STARD8: variants seen among roughly 807,000 people sequenced by gnomAD.
The protein encoded by STARD8 is stAR-related lipid transfer protein 8.
Under a neutral mutation model 69.4 loss-of-function variants are expected in STARD8, and 25 were observed. That is an observed-to-expected ratio of 0.36 (90% CI 0.26 to 0.50). The LOEUF (loss-of-function observed/expected upper bound fraction) is 0.50. STARD8 is among the 20% of genes least tolerant of loss of function. The pLI is 0.96. For synonymous variants in STARD8, 389 were observed against 374.6 expected (o/e 1.04, Z -0.45); for missense variants, 921 against 932.5 (o/e 0.99, Z 0.16).
chrX:68,702,648 G>A (rs774146195), intron 2 of STARD8, among the ~76,000 whole-genome samples: 55 of 111,564 alleles, frequency 4.9e-4, no homozygotes, highest in African/African-American at 1.7e-3. Context: ...AAACTGCCTG[G>A]ATTTGCATCT....
intron 2 of STARD8, among the ~76,000 whole-genome samples, chrX:68,701,706 G>T (rs943563076): frequency 1.9e-4 from 21 of 112,119 alleles, no homozygotes; most frequent in Middle Eastern, 4.6e-3. Context: ...TGGCAGTGTG[G>T]TTCTGACATC....
intron 2 of STARD8, among the ~76,000 whole-genome samples, chrX:68,703,846 T>G (rs2147917397): frequency 9.0e-6 from 1 of 111,496 alleles, no homozygotes; most frequent in Non-Finnish European, 1.9e-5. Flanking sequence ...GAAGTGCTCC[T>G]TCAGGTCATA....
intron 13 of STARD8, 43 bp from the exon 14 acceptor site, chrX:68,723,902 A>G: frequency 2.5e-6 from 3 of 1,207,524 alleles, no homozygotes; most frequent in Non-Finnish European, 3.4e-6. Flanking sequence ...TGGGGTGGAA[A>G]CCAGCACTAG....
At chrX:68,703,454 C>A (rs1007135605) in intron 2 of STARD8, among the ~76,000 whole-genome samples, 28 of 112,716 alleles carry the variant, frequency 2.5e-4, no homozygotes, top group African/African-American at 8.4e-4. Flanking sequence ...CCCTTGCCCC[C>A]AGAGCCCTAG....
rs971835588 is a variant in STARD8 at position 68,725,533 on chromosome X, T to G, written c.*1111T>G. 5.6e-5 allele frequency: 6 copies of G among 107,164 alleles called. No homozygotes were observed. Among genetic ancestry groups the G allele is most frequent in the African/African-American group, 1.7e-4 (5 of 29,014 alleles). 8.8% of individuals were successfully genotyped at this position (107,164 alleles called of 1,213,427 possible). A position where few individuals can be genotyped will look rare whatever the true frequency, so the allele number is the denominator to read the frequency against. ...GTAATTTTCAAGCCTATTTTATTTG[T>G]ACCTGTAAATACTGTACAGCTAATA... is the stretch of plus-strand genomic sequence containing the variant. On this transcript the variant is annotated 3_prime_UTR_variant, in exon 15 of 15. Transcript: ENST00000374599.
At chrX:68,715,447 C>A in intron 4 of STARD8, 72 bp downstream of exon 4, 1 of 906,225 alleles carries the variant, frequency 1.1e-6, no homozygotes, top group South Asian at 2.5e-5. Flanking sequence ...AAAAAACATC[C>A]CTTGTACCCT....
chrX:68,673,143 T>C (rs2079740433), intron 2 of STARD8, among the ~76,000 whole-genome samples: 1 of 111,860 alleles, frequency 8.9e-6, no homozygotes, highest in South Asian at 3.8e-4. Flanking sequence ...AGCACATCTG[T>C]TGCCCAGAGA....
intron 2 of STARD8, among the ~76,000 whole-genome samples, chrX:68,666,861 G>A (rs919838835): frequency 8.9e-6 from 1 of 111,982 alleles, no homozygotes; most frequent in African/African-American, 3.3e-5. Flanking sequence ...CCCATACTAG[G>A]GGAAGGACAC....
At chrX:68,653,461 ACACCC>A (rs2147870533) in intron 1 of STARD8, among the ~76,000 whole-genome samples, 2 of 26,410 alleles carry the variant, frequency 7.6e-5, no homozygotes, top group South Asian at 2.1e-3. Flanking sequence ...CCACACACAC[ACACCC>A]CACACCCCAC....
intron 1 of STARD8, among the ~76,000 whole-genome samples, chrX:68,662,054 C>T (rs1218830895): frequency 9.6e-6 from 1 of 103,790 alleles, no homozygotes; most frequent in African/African-American, 3.6e-5. Flanking sequence ...GTTGCCCAGG[C>T]TGGAGTGCCA....
chrX:68,713,893 T>C (rs1372523270), intron 3 of STARD8, among the ~76,000 whole-genome samples: 1 of 111,950 alleles, frequency 8.9e-6, no homozygotes, highest in Non-Finnish European at 1.9e-5. Context: ...ATTAAACAGG[T>C]CTGAAACCAA....
chrX:68,661,974 T>C (rs6625356), intron 1 of STARD8, among the ~76,000 whole-genome samples: 62 of 35,013 alleles, frequency 1.8e-3, no homozygotes, highest in East Asian at 4.8e-3. Context: ...CTCTCTCTCT[T>C]TCTTTCTTTC....
intron 2 of STARD8, among the ~76,000 whole-genome samples, chrX:68,683,732 C>G (rs1295729251): frequency 2.7e-5 from 3 of 112,832 alleles, no homozygotes; most frequent in Non-Finnish European, 3.7e-5. Context: ...TTCAGGTTTA[C>G]ATCATCAGCC....
At chrX:68,677,963 G>T (rs1333362259) in intron 2 of STARD8, among the ~76,000 whole-genome samples, 4 of 109,940 alleles carry the variant, frequency 3.6e-5, no homozygotes, top group African/African-American at 1.3e-4. Context: ...AGAAAGCTCT[G>T]CAGATAGCAT....
chrX:68,651,407 G>A (rs1036416088), intron 1 of STARD8, among the ~76,000 whole-genome samples: 3 of 112,506 alleles, frequency 2.7e-5, no homozygotes, highest in African/African-American at 6.5e-5. Context: ...CAATGCTGCT[G>A]CTTTGAGGCC....
rs1302913265 is a variant in STARD8 at position 68,688,395 on chromosome X, G to A, written c.79+22863G>A. On this transcript the variant is annotated intron_variant, in intron 2 of 14. Transcript: ENST00000374599. ...ACAGGGCTGGGCTGGGCCAGGCTGG[G>A]GGCAGGGCGTATAAAAGCCACACAC... 2.7e-5 allele frequency among the ~76,000 whole-genome samples: 3 copies of A among 110,719 alleles called. No homozygotes were observed. In the Admixed American group the frequency reaches 2.8e-4, roughly 11 times the overall value.
intron 8 of STARD8, among the ~76,000 whole-genome samples, 172 bp downstream of exon 8, chrX:68,720,595 C>A (rs1052920244): frequency 4.4e-5 from 5 of 113,065 alleles, no homozygotes; most frequent in African/African-American, 1.6e-4. Context: ...AAGGATGAAA[C>A]TCCTTTCTAC....
chrX:68,665,653 G>A (rs1035268267), intron 2 of STARD8, 121 bp downstream of exon 2: 24 of 748,611 alleles, frequency 3.2e-5, no homozygotes, highest in South Asian at 7.4e-5. Context: ...TGCAAAAGCC[G>A]GAGACATCCT....
In STARD8 at chrX:68,723,884, CGGA is replaced by C. The variant is rs1479031313; in HGVS notation, c.3017+43_3017+45del. ...TGCTACCCTTCTGTGCTTGGGGGGCCGGAGAAGTGGGGTGGAAACCAGCACTAG... is the reference window on the plus strand; with the variant it reads ...TGCTACCCTTCTGTGCTTGGGGGGCCGAAGTGGGGTGGAAACCAGCACTAG... On this transcript the variant is annotated intron_variant, in intron 13 of 14. Transcript: ENST00000374599. The C allele has an allele frequency of 4.2e-6, 5 of 1,204,027 alleles. No homozygotes were observed. In the Admixed American group the frequency reaches 1.1e-4, roughly 26 times the overall value.
Sources: gnomAD v4.1 joint callset for allele counts (sites outside exome capture counted in the v4.1 genomes callset) on GRCh38, gnomAD v4.1.1 for gene constraint, MANE v1.5 for transcripts, NCBI Gene and HGNC (gene_info 2026-07-23, HGNC 2026-07-21) for gene names.